ASAP3: variants seen among roughly 807,000 people sequenced by gnomAD.
ASAP3 encodes the protein ArfGAP with SH3 domain, ankyrin repeat and PH domain 3, also known as arf-GAP with SH3 domain, ANK repeat and PH domain-containing protein 3.
In ASAP3, 85 loss-of-function variants were observed where a neutral mutation model predicts 118.2. That is an observed-to-expected ratio of 0.72 (90% CI 0.60 to 0.86). The LOEUF (loss-of-function observed/expected upper bound fraction) is 0.86, where lower values mean the gene tolerates loss of function less well. Ranked by LOEUF, ASAP3 falls within the 40% of genes least tolerant of loss-of-function variation. ASAP3 has a pLI of 0.00. For synonymous variants in ASAP3, 432 were observed against 477.4 expected, an observed-to-expected ratio of 0.90 and a Z score of 1.24; for missense variants, 1,026 against 1,175.0, an observed-to-expected ratio of 0.87 and a Z score of 1.85.
intron 3 of ASAP3, among the ~76,000 whole-genome samples, chr1:23,453,145 T>C (rs1270909349): frequency 1.3e-5 from 2 of 152,178 alleles, no homozygotes; most frequent in Non-Finnish European, 2.9e-5. Context: ...ATCTCTCCCC[T>C]GTTCCTCGCC....
At chr1:23,461,668 C>G (rs926138333) in intron 1 of ASAP3, among the ~76,000 whole-genome samples, 2 of 146,948 alleles carry the variant, frequency 1.4e-5, no homozygotes, top group Non-Finnish European at 1.5e-5. Flanking sequence ...CTCAAACGCA[C>G]CCCCCCACAA....
At chr1:23,444,404 G>T (rs1007747712) in intron 5 of ASAP3, among the ~76,000 whole-genome samples, 8 of 152,334 alleles carry the variant, frequency 5.3e-5, no homozygotes, top group Admixed American at 3.9e-4. Flanking sequence ...AAAGGAAAGG[G>T]CTTGCTTAAT....
Position 23,441,398 on chromosome 1 carries a change from C to G in ASAP3, c.823G>C (p.Glu275Gln), listed in dbSNP as rs1262011798. ...RDSLRGTLQL[E>Q]SREEHLSRKN... Reference sequence around the variant, plus strand: ...GTTCAGGGGCTGACCTCTCTGCTCTCAAGCTGCAGTGTCCCTCGGAGGGAG... The same window carrying G: ...GTTCAGGGGCTGACCTCTCTGCTCTGAAGCTGCAGTGTCCCTCGGAGGGAG... The change falls in exon 9 of 25, where the codon GAG becomes CAG. Residue 275 changes from glutamate (E) to glutamine (Q), a missense_variant. Transcript: ENST00000336689. 2 of 1,614,082 alleles carry G rather than the reference C, an allele frequency of 1.2e-6. No individual in the cohort carries two copies. The highest frequency in any genetic ancestry group is 1.7e-5 in the Admixed American group (1 of 60,010).
At chr1:23,483,170 A>C (rs1224823411) in intron 1 of ASAP3, among the ~76,000 whole-genome samples, 3 of 152,210 alleles carry the variant, frequency 2.0e-5, no homozygotes, top group Non-Finnish European at 4.4e-5. Flanking sequence ...ACTTAAGGTG[A>C]AGGGTGGAAG....
intron 1 of ASAP3, among the ~76,000 whole-genome samples, chr1:23,476,852 T>C (rs1317182853): frequency 6.6e-6 from 1 of 152,146 alleles, no homozygotes; most frequent in African/African-American, 2.4e-5. Flanking sequence ...CATTATTCTC[T>C]ATGAATGCTC....
intron 5 of ASAP3, among the ~76,000 whole-genome samples, chr1:23,449,621 G>A (rs555720360): frequency 2.6e-5 from 4 of 152,296 alleles, no homozygotes; most frequent in South Asian, 2.1e-4. Context: ...ACAGTCACCC[G>A]TGCCAAGACA....
At chr1:23,471,804 C>G (rs879354219) in intron 1 of ASAP3, among the ~76,000 whole-genome samples, 1 of 152,230 alleles carries the variant, frequency 6.6e-6, no homozygotes, top group African/African-American at 2.4e-5. Flanking sequence ...GTAGCTATTC[C>G]TGCCCAGCAG....
At chr1:23,475,860 C>T (rs2148662166) in intron 1 of ASAP3, among the ~76,000 whole-genome samples, 1 of 152,080 alleles carries the variant, frequency 6.6e-6, no homozygotes, top group African/African-American at 2.4e-5. Context: ...TGTGGAAGCA[C>T]GAGGATTGCT....
chr1:23,429,515 A>G lies in ASAP3; in HGVS notation c.*341T>C, dbSNP rs1023434170. On this transcript the variant is annotated 3_prime_UTR_variant, in exon 25 of 25. Transcript: ENST00000336689. ...ATGGAGGGCTCTCCTGCCCTTGTGAAGCCCCCAGACTGACGGGGGAAATAG... is the reference window on the plus strand; with the variant it reads ...ATGGAGGGCTCTCCTGCCCTTGTGAGGCCCCCAGACTGACGGGGGAAATAG... 5.3e-5 allele frequency: 10 copies of G among 187,678 alleles called. No individual in the cohort carries two copies. The Admixed American group carries it at 5.7e-4, about 11-fold the overall frequency. The allele number at this position is 187,678 out of a possible 1,614,324, so 11.6% of individuals were successfully genotyped here.
intron 1 of ASAP3, among the ~76,000 whole-genome samples, chr1:23,483,075 G>C (rs1043453832): frequency 2.6e-5 from 4 of 152,044 alleles, no homozygotes; most frequent in African/African-American, 9.7e-5. Context: ...CCTGACAAGA[G>C]AGAAGAGGAC....
intron 1 of ASAP3, among the ~76,000 whole-genome samples, chr1:23,462,062 A>G (rs751210850): frequency 6.7e-5 from 10 of 149,874 alleles, no homozygotes; most frequent in Non-Finnish European, 1.0e-4. Context: ...CTCGCTTTGT[A>G]GCCCAGGCTG....
chr1:23,482,869 G>A (rs896309136), intron 1 of ASAP3, among the ~76,000 whole-genome samples: 3 of 151,702 alleles, frequency 2.0e-5, no homozygotes, highest in African/African-American at 7.3e-5. Flanking sequence ...GGAGAATGGT[G>A]TGAACCTGGG....
chr1:23,430,976 A>C, intron 24 of ASAP3, 59 bp downstream of exon 24: 1 of 1,449,134 alleles, frequency 6.9e-7, no homozygotes, highest in Non-Finnish European at 9.2e-7. Context: ...ACTCTTGACT[A>C]ACTCTGCCTC....
chr1:23,478,360 G>A (rs994305050), intron 1 of ASAP3, among the ~76,000 whole-genome samples: 7 of 152,196 alleles, frequency 4.6e-5, no homozygotes, highest in Non-Finnish European at 8.8e-5. Context: ...AGCTACTCGG[G>A]AGGCTGAGGC....
chr1:23,455,752 C>G, intron 3 of ASAP3, 129 bp downstream of exon 3: 1 of 1,181,184 alleles, frequency 8.5e-7, no homozygotes, highest in Non-Finnish European at 1.2e-6. Context: ...AAAGGGACCT[C>G]AGGTCTGAAC....
intron 1 of ASAP3, among the ~76,000 whole-genome samples, chr1:23,471,513 A>T (rs1459109523): frequency 6.6e-6 from 1 of 152,234 alleles, no homozygotes; most frequent in Non-Finnish European, 1.5e-5. Context: ...TGTGGAATGA[A>T]TGAATGATTA....
At chr1:23,434,646 T>C (rs1640569330) in intron 17 of ASAP3, 28 bp from the exon 18 acceptor site, 1 of 1,599,732 alleles carries the variant, frequency 6.3e-7, no homozygotes, top group Non-Finnish European at 8.5e-7. Flanking sequence ...CCTCTGAGAT[T>C]CCCCCCCCAG....
At chr1:23,484,262 C>G (rs1642438021), upstream of ASAP3, 1 of 904,746 alleles carries the variant, frequency 1.1e-6, no homozygotes, top group Non-Finnish European at 1.4e-6. Flanking sequence ...CCGCACGCCC[C>G]GCCCCCGACC....
chr1:23,465,947 C>T (rs974018091), intron 1 of ASAP3, among the ~76,000 whole-genome samples: 6 of 152,222 alleles, frequency 3.9e-5, no homozygotes, highest in Non-Finnish European at 8.8e-5. Flanking sequence ...AATTCTACCA[C>T]CTCTACCATA....
Sources: allele counts gnomAD v4.1 joint callset (sites outside exome capture counted in the v4.1 genomes callset), GRCh38; gene constraint gnomAD v4.1.1; transcripts MANE v1.5; gene names NCBI Gene and HGNC (gene_info 2026-07-23, HGNC 2026-07-21).